ZNF654: variants seen among roughly 807,000 people sequenced by gnomAD.
The protein encoded by ZNF654 is zinc finger protein 654.
A neutral mutation model predicts 95.3 loss-of-function variants in ZNF654; 19 were observed. The observed-to-expected ratio is 0.20, with a 90% CI of 0.14 to 0.29. The LOEUF (loss-of-function observed/expected upper bound fraction) is 0.29. Ranked by LOEUF, ZNF654 falls within the 10% of genes least tolerant of loss-of-function variation. The pLI is 1.00. For missense variants in ZNF654, 1,046 were observed against 1,341.0 expected (o/e 0.78, Z 3.44); for synonymous variants, 413 against 457.9 (o/e 0.90, Z 1.25).
chr3:88,139,167 G>T lies in ZNF654; in HGVS notation c.1498G>T (p.Asp500Tyr). 7.4e-7 allele frequency: 1 copy of T among 1,352,624 alleles called. No homozygotes were observed. Among genetic ancestry groups the T allele is most frequent in the Non-Finnish European group, 9.5e-7 (1 of 1,051,096 alleles). 83.8% of individuals were successfully genotyped at this position (1,352,624 alleles called of 1,614,324 possible). A position where few individuals can be genotyped will look rare whatever the true frequency, so the allele number is the denominator to read the frequency against. The stretch of plus-strand genomic sequence containing the variant: ...ACAGCAAGGTTTGGATGAAGGGTTT[G>T]ACTCTCTTACAGATCAGAGCACTGG... Reference protein sequence around the residue: ...EEQQGLDEGFDSLTDQSTGET... With the variant: ...EEQQGLDEGFYSLTDQSTGET... The change falls in exon 8 of 9, where the codon GAC becomes TAC. Residue 500 changes from aspartate to tyrosine, a missense_variant. Physicochemically the swap from Asp to Tyr is radical, Grantham distance 160. Coordinates refer to ENST00000636215, the MANE Select transcript of ZNF654 (RefSeq NM_001350134.2).
intron 2 of ZNF654, among the ~76,000 whole-genome samples, chr3:88,109,915 T>C (rs1704987159): frequency 1.3e-5 from 2 of 152,144 alleles, no homozygotes; most frequent in African/African-American, 4.8e-5. Context: ...AAGAAATCTT[T>C]TGATGAGTTT....
intron 1 of ZNF654, 51 bp from the exon 2 acceptor site, chr3:88,086,206 G>T: frequency 1.4e-6 from 2 of 1,472,504 alleles, no homozygotes; most frequent in South Asian, 1.3e-5. Context: ...TTTTAAACTC[G>T]AGATGTTGAG....
At chr3:88,117,594 G>T (rs1705488591) in intron 3 of ZNF654, among the ~76,000 whole-genome samples, 1 of 152,028 alleles carries the variant, frequency 6.6e-6, no homozygotes, top group Non-Finnish European at 1.5e-5. Flanking sequence ...CAGAATAAAA[G>T]AAATAGGACT....
chr3:88,140,894 T>G lies in ZNF654; in HGVS notation c.3225T>G (p.Asp1075Glu), dbSNP rs1334777027. ...GAAAATTTCTGACTGATAGAGTAGA[T>G]GCCTGTTCTGATCAAGATAACGTGT... Reference protein sequence around the residue: ...KRRKFLTDRVDACSDQDNVYK... With the variant: ...KRRKFLTDRVEACSDQDNVYK... Residue 1075 changes from aspartate to glutamate, a missense_variant, in exon 8 of 9, where the codon GAT becomes GAG. By Grantham distance (45) the Asp-to-Glu change is conservative. Transcript: ENST00000636215. 2 of 1,613,644 alleles carry G rather than the reference T, an allele frequency of 1.2e-6. No individual in the cohort carries two copies. The highest frequency in any genetic ancestry group is 1.7e-6 in the Non-Finnish European group (2 of 1,179,668).
intron 7 of ZNF654, among the ~76,000 whole-genome samples, chr3:88,137,873 T>C (rs1047042830): frequency 6.6e-6 from 1 of 152,110 alleles, no homozygotes; most frequent in Non-Finnish European, 1.5e-5. Context: ...ATCTATACTA[T>C]ACCATATGTA....
At position 88,142,149 on chromosome 3, in the gene ZNF654, G is replaced by A. The variant is rs1280682511; in HGVS notation, c.*497G>A. 4 of 152,404 alleles carry A rather than the reference G, an allele frequency of 2.6e-5. No homozygotes were observed. Among genetic ancestry groups the A allele is most frequent in the Admixed American group, 2.0e-4 (3 of 15,220 alleles). The allele number at this position is 152,404 out of a possible 1,614,324, so 9.4% of individuals were successfully genotyped here. Reference sequence around the variant, plus strand: ...CTGGTTAAACATGGTTTAAGGAACCGCTGCTGTTTGGTTTGTGATTGATTT... The same window carrying A: ...CTGGTTAAACATGGTTTAAGGAACCACTGCTGTTTGGTTTGTGATTGATTT... On this transcript the variant is annotated 3_prime_UTR_variant, in exon 9 of 9. Coordinates refer to ENST00000636215, the MANE Select transcript of ZNF654 (RefSeq NM_001350134.2).
chr3:88,078,945 A>T (rs1707948154), intron 1 of ZNF654, among the ~76,000 whole-genome samples: 3 of 152,186 alleles, frequency 2.0e-5, no homozygotes, highest in South Asian at 4.1e-4. Context: ...TAAAAAACTA[A>T]CTTTTCAGAT....
chr3:88,125,991 A>C, intron 3 of ZNF654, 143 bp from the exon 4 acceptor site: 1 of 809,358 alleles, frequency 1.2e-6, no homozygotes, highest in Non-Finnish European at 1.8e-6. Context: ...TCGACACCCT[A>C]CTTAGGTTAC....
At chr3:88,079,644 C>T (rs1347402805) in intron 1 of ZNF654, among the ~76,000 whole-genome samples, 8 of 151,888 alleles carry the variant, frequency 5.3e-5, no homozygotes. Flanking sequence ...TATTTTTGCT[C>T]TGGTTGGTAG....
At chr3:88,107,482 T>C (rs1466000592) in intron 2 of ZNF654, among the ~76,000 whole-genome samples, 1 of 152,198 alleles carries the variant, frequency 6.6e-6, no homozygotes, top group African/African-American at 2.4e-5. Context: ...TATAATTGTT[T>C]TATTTATCTC....
intron 2 of ZNF654, chr3:88,095,368 T>C (rs1370944402): frequency 3.5e-6 from 1 of 284,140 alleles, no homozygotes; most frequent in Non-Finnish European, 6.7e-6. Context: ...GGAATGTGAA[T>C]GTATTATGTA....
chr3:88,114,110 A>G (rs1705252368), intron 3 of ZNF654, among the ~76,000 whole-genome samples: 1 of 152,188 alleles, frequency 6.6e-6, no homozygotes, highest in African/African-American at 2.4e-5. Flanking sequence ...GTAGTAAGCA[A>G]AACAGAAAAA....
At chr3:88,104,992 TAGTC>T (rs1440208161) in intron 2 of ZNF654, among the ~76,000 whole-genome samples, 1 of 151,934 alleles carries the variant, frequency 6.6e-6, no homozygotes. Context: ...TACCAAAAAT[TAGTC>T]AGGTGTGGTG....
intron 1 of ZNF654, among the ~76,000 whole-genome samples, chr3:88,076,265 G>T (rs1019731854): frequency 6.6e-6 from 1 of 151,946 alleles, no homozygotes; most frequent in Non-Finnish European, 1.5e-5. Flanking sequence ...TTGGATCTCC[G>T]GTCTGGTTCA....
intron 6 of ZNF654, among the ~76,000 whole-genome samples, chr3:88,133,459 G>GTT (rs1333876396): frequency 1.3e-5 from 2 of 152,320 alleles, no homozygotes; most frequent in East Asian, 3.9e-4. Flanking sequence ...CATGAAATCA[G>GTT]TAAGAGGGAT....
At chr3:88,082,469 G>A (rs186440065) in intron 1 of ZNF654, among the ~76,000 whole-genome samples, 2 of 152,286 alleles carry the variant, frequency 1.3e-5, no homozygotes, top group East Asian at 1.9e-4. Flanking sequence ...GTAAACAAAT[G>A]ATGAACTTAA....
At chr3:88,075,599 C>T (rs539848193) in intron 1 of ZNF654, among the ~76,000 whole-genome samples, 3 of 152,232 alleles carry the variant, frequency 2.0e-5, no homozygotes, top group African/African-American at 7.2e-5. Context: ...TTATTCCAGG[C>T]CTTGCATAAT....
At chr3:88,120,095 A>C (rs763402179) in intron 3 of ZNF654, among the ~76,000 whole-genome samples, 9 of 152,040 alleles carry the variant, frequency 5.9e-5, no homozygotes, top group Non-Finnish European at 1.2e-4. Context: ...CAAATAATGT[A>C]ACTTATAGGC....
chr3:88,128,121 T>G (rs1385721881), intron 4 of ZNF654, among the ~76,000 whole-genome samples: 3 of 152,168 alleles, frequency 2.0e-5, no homozygotes, highest in Non-Finnish European at 4.4e-5. Flanking sequence ...AGTTTTGCAA[T>G]CTATAAAGCT....
Sources: gnomAD v4.1 joint callset for allele counts (sites outside exome capture counted in the v4.1 genomes callset) on GRCh38, gnomAD v4.1.1 for gene constraint, MANE v1.5 for transcripts, NCBI Gene and HGNC (gene_info 2026-07-23, HGNC 2026-07-21) for gene names.